The following SSBP3 variants were observed in gnomAD, a reference collection of about 807,000 sequenced individuals.
SSBP3 encodes the protein single-stranded DNA-binding protein 3.
In SSBP3, 5 loss-of-function variants were observed where a neutral mutation model predicts 69.6. The observed-to-expected ratio is 0.07, with a 90% confidence interval of 0.04 to 0.15. The LOEUF (loss-of-function observed/expected upper bound fraction) is 0.15. SSBP3 is among the 10% of genes least tolerant of loss of function. SSBP3 has a pLI of 1.00. For synonymous variants in SSBP3, 196 were observed against 193.4 expected (o/e 1.01, Z -0.11); for missense variants, 312 against 534.0 (o/e 0.58, Z 4.10).
intron 4 of SSBP3, among the ~76,000 whole-genome samples, chr1:54,293,099 A>G (rs1178414265): frequency 6.6e-6 from 1 of 152,076 alleles, no homozygotes; most frequent in Non-Finnish European, 1.5e-5. Context: ...GTGGCCTGCT[A>G]AAGTCTGGTG....
At chr1:54,404,964 GA>G in intron 1 of SSBP3, 34 bp from the exon 2 acceptor site, 1 of 1,589,802 alleles carries the variant, frequency 6.3e-7, no homozygotes, top group Non-Finnish European at 8.6e-7. Context: ...GAGAGAGAGG[GA>G]AAGGCGTCAG....
Position 54,265,435 on chromosome 1 carries a change from G to A in SSBP3, c.367-7286C>T, listed in dbSNP as rs559258471. 1.5e-4 allele frequency among the ~76,000 whole-genome samples: 23 copies of A among 151,926 alleles called. No individual in the cohort carries two copies. The South Asian group carries it at 2.3e-3, about 15-fold the overall frequency. ...CCGCCTGCACACCCAGCATGGGCCTGGCACATGCACGGTAGGTGGGTCCTC... is the reference window on the plus strand; with the variant it reads ...CCGCCTGCACACCCAGCATGGGCCTAGCACATGCACGGTAGGTGGGTCCTC... On this transcript the variant is annotated intron_variant, in intron 5 of 17. Transcript: ENST00000610401.
chr1:54,311,322 A>G (rs1645997905), intron 4 of SSBP3, among the ~76,000 whole-genome samples: 1 of 152,178 alleles, frequency 6.6e-6, no homozygotes, highest in African/African-American at 2.4e-5. Flanking sequence ...GCTTCGGAAC[A>G]GAAGCCAAGA....
At chr1:54,261,809 A>C (rs2100769686) in intron 5 of SSBP3, among the ~76,000 whole-genome samples, 1 of 152,252 alleles carries the variant, frequency 6.6e-6, no homozygotes, top group South Asian at 2.1e-4. Flanking sequence ...GCAAAATATC[A>C]GGCTAGACTA....
chr1:54,295,934 T>C (rs1645696492), intron 4 of SSBP3, among the ~76,000 whole-genome samples: 1 of 152,244 alleles, frequency 6.6e-6, no homozygotes, highest in African/African-American at 2.4e-5. Context: ...TCCAGCATTT[T>C]TCTACCTGGT....
At chr1:54,349,848 A>G (rs1483754173) in intron 4 of SSBP3, among the ~76,000 whole-genome samples, 1 of 152,120 alleles carries the variant, frequency 6.6e-6, no homozygotes, top group African/African-American at 2.4e-5. Flanking sequence ...TTTTAGGTTC[A>G]ACCTTACCTG....
intron 4 of SSBP3, among the ~76,000 whole-genome samples, chr1:54,309,584 C>A (rs973481614): frequency 2.6e-5 from 4 of 152,190 alleles, no homozygotes; most frequent in Non-Finnish European, 5.9e-5. Flanking sequence ...CAACGCCAGG[C>A]AGTCAGAAAG....
chr1:54,274,929 C>T (rs1645257195), intron 5 of SSBP3, among the ~76,000 whole-genome samples: 1 of 152,152 alleles, frequency 6.6e-6, no homozygotes, highest in Non-Finnish European at 1.5e-5. Context: ...GCACACTCCC[C>T]CACCTCAATT....
intron 4 of SSBP3, among the ~76,000 whole-genome samples, chr1:54,284,765 G>A (rs1569611279): frequency 6.6e-6 from 1 of 151,794 alleles, no homozygotes; most frequent in East Asian, 1.9e-4. Flanking sequence ...CATCGTGTCT[G>A]GCCTAAAAAA....
At chr1:54,238,444 A>C (rs1364000438) in intron 14 of SSBP3, 1 of 397,228 alleles carries the variant, frequency 2.5e-6, no homozygotes, top group African/African-American at 2.1e-5. Context: ...CTAGAATGGA[A>C]GGGTTGCCTG....
chr1:54,374,919 CA>C (rs1647192190), intron 4 of SSBP3, among the ~76,000 whole-genome samples: 1 of 152,194 alleles, frequency 6.6e-6, no homozygotes, highest in East Asian at 1.9e-4. Context: ...GGCAGGAGGC[CA>C]GGGGCCAGAG....
intron 4 of SSBP3, among the ~76,000 whole-genome samples, chr1:54,284,103 C>A (rs898143584): frequency 1.1e-5 from 1 of 87,572 alleles, no homozygotes; most frequent in Non-Finnish European, 2.1e-5. Context: ...TATTTAACCA[C>A]TTTTTTTTTT....
At chr1:54,305,889 C>T (rs1041952863) in intron 4 of SSBP3, among the ~76,000 whole-genome samples, 1 of 149,722 alleles carries the variant, frequency 6.7e-6, no homozygotes, top group Non-Finnish European at 1.5e-5. Flanking sequence ...AGTTTCACCC[C>T]AAGCCCAGTC....
At chr1:54,320,836 C>A (rs1646199145) in intron 4 of SSBP3, among the ~76,000 whole-genome samples, 1 of 152,134 alleles carries the variant, frequency 6.6e-6, no homozygotes. Flanking sequence ...ACTGCAGCAA[C>A]TAGAACAGTG....
At chr1:54,371,311 C>T (rs1203872766) in intron 4 of SSBP3, among the ~76,000 whole-genome samples, 2 of 152,256 alleles carry the variant, frequency 1.3e-5, no homozygotes, top group Middle Eastern at 3.2e-3. Context: ...ACTGAGTAGA[C>T]ACTACCATGA....
intron 4 of SSBP3, among the ~76,000 whole-genome samples, chr1:54,335,039 G>T (rs1437933700): frequency 6.6e-6 from 1 of 152,216 alleles, no homozygotes; most frequent in South Asian, 2.1e-4. Flanking sequence ...CAACCCCCAG[G>T]AAAGGACAAG....
At chr1:54,281,603 G>GC in intron 4 of SSBP3, 76 bp from the exon 5 acceptor site, 1 of 1,357,296 alleles carries the variant, frequency 7.4e-7, no homozygotes, top group Non-Finnish European at 1.0e-6. Context: ...CCTGGACTTG[G>GC]CTCTCCCTGT....
At chr1:54,404,118 T>A (rs1208932199) in intron 3 of SSBP3, among the ~76,000 whole-genome samples, 1 of 151,826 alleles carries the variant, frequency 6.6e-6, no homozygotes, top group Non-Finnish European at 1.5e-5. Context: ...TTTCTCAGGG[T>A]GCCTGGAAAA....
chr1:54,326,510 G>A (rs1046649429), intron 4 of SSBP3: 1 of 152,138 alleles, frequency 6.6e-6, no homozygotes, highest in African/African-American at 2.4e-5. Context: ...ATTCTATTTA[G>A]CCACCAGGCT....
Sources: allele counts gnomAD v4.1 joint callset (sites outside exome capture counted in the v4.1 genomes callset), GRCh38; gene constraint gnomAD v4.1.1; transcripts MANE v1.5; gene names NCBI Gene and HGNC (gene_info 2026-07-23, HGNC 2026-07-21).